The following NR1H4 variants were observed in gnomAD, a reference collection of about 807,000 sequenced individuals.
The protein encoded by NR1H4 is bile acid receptor.
In NR1H4, 23 loss-of-function variants were observed where a neutral mutation model predicts 58.5. The ratio of observed to expected loss-of-function variants is 0.39; its 90% CI spans 0.28 to 0.56. NR1H4 has a LOEUF of 0.56. NR1H4 is among the 20% of genes least tolerant of loss of function. NR1H4 has a pLI of 0.58. For synonymous variants in NR1H4, 214 were observed against 198.0 expected, an observed-to-expected ratio of 1.08 and a Z score of -0.68; for missense variants, 487 against 576.9, an observed-to-expected ratio of 0.84 and a Z score of 1.60.
At chr12:100,484,561 C>T (rs185103759) in intron 1 of NR1H4, among the ~76,000 whole-genome samples, 4 of 152,252 alleles carry the variant, frequency 2.6e-5, no homozygotes, top group Non-Finnish European at 2.9e-5. Flanking sequence ...CATTTTGTCC[C>T]TCCTTTCACC....
chr12:100,481,409 CACA>C (rs1230021377), intron 1 of NR1H4, among the ~76,000 whole-genome samples: 1 of 152,108 alleles, frequency 6.6e-6, no homozygotes, highest in East Asian at 1.9e-4. Flanking sequence ...ACCAAACAAC[CACA>C]ACAACAAAAC....
At position 100,561,877 on chromosome 12, in the gene NR1H4, C is replaced by T. The variant is rs764238006; in HGVS notation, c.1079-8C>T. ...AAATTGTATTATGATTGCAACTTTCCCCCACAGGTATCTCTGATGAATATA... is the reference window on the plus strand; with the variant it reads ...AAATTGTATTATGATTGCAACTTTCTCCCACAGGTATCTCTGATGAATATA... On this transcript the variant is annotated splice_polypyrimidine_tract_variant and splice_region_variant and intron_variant, in intron 9 of 10. Coordinates refer to ENST00000392986, the MANE Select transcript of NR1H4 (RefSeq NM_001206979.2). The T allele has an allele frequency of 1.3e-5, 14 of 1,088,816 alleles. No homozygotes were observed. The highest frequency in any genetic ancestry group is 1.9e-5 in the Non-Finnish European group (13 of 701,610). The allele number at this position is 1,088,816 out of a possible 1,614,324, so 67.4% of individuals were successfully genotyped here.
intron 1 of NR1H4, among the ~76,000 whole-genome samples, chr12:100,485,105 A>G (rs1281974219): frequency 6.6e-6 from 1 of 152,200 alleles, no homozygotes; most frequent in Non-Finnish European, 1.5e-5. Flanking sequence ...GAAACTCCCT[A>G]TGTACCTGCC....
intron 3 of NR1H4, among the ~76,000 whole-genome samples, chr12:100,500,769 A>G (rs1383438626): frequency 6.6e-6 from 1 of 152,080 alleles, no homozygotes; most frequent in Non-Finnish European, 1.5e-5. Context: ...CTGCCTTTTG[A>G]GGACATGCTT....
intron 4 of NR1H4, among the ~76,000 whole-genome samples, chr12:100,529,827 C>G (rs1464788686): frequency 3.9e-5 from 6 of 152,152 alleles, no homozygotes; most frequent in Non-Finnish European, 8.8e-5. Flanking sequence ...TTGGGAAATC[C>G]TCATATTATA....
At chr12:100,534,009 G>C (rs985701185) in intron 5 of NR1H4, among the ~76,000 whole-genome samples, 2 of 151,598 alleles carry the variant, frequency 1.3e-5, no homozygotes, top group African/African-American at 4.9e-5. Flanking sequence ...CCATTCTCCT[G>C]CCTCAGCCTC....
At chr12:100,520,116 A>G (rs1954375705) in intron 4 of NR1H4, among the ~76,000 whole-genome samples, 1 of 152,032 alleles carries the variant, frequency 6.6e-6, no homozygotes, top group African/African-American at 2.4e-5. Flanking sequence ...TGCTCAGCCA[A>G]CCTGGTTTCC....
At chr12:100,560,238 T>A (rs1955435222) in intron 9 of NR1H4, among the ~76,000 whole-genome samples, 1 of 152,148 alleles carries the variant, frequency 6.6e-6, no homozygotes, top group South Asian at 2.1e-4. Context: ...ATCAGCAGGA[T>A]GTGGGTGGGG....
chr12:100,480,778 C>T (rs966306951), intron 1 of NR1H4, among the ~76,000 whole-genome samples: 4 of 152,174 alleles, frequency 2.6e-5, no homozygotes, highest in South Asian at 2.1e-4. Flanking sequence ...TTCTGTGGGG[C>T]GGCTGAGCAG....
intron 3 of NR1H4, chr12:100,500,055 T>G (rs2136120819): frequency 2.4e-6 from 1 of 419,036 alleles, no homozygotes; most frequent in Admixed American, 2.7e-5. Context: ...CCTTTTATGG[T>G]GAGAAAAGGA....
chr12:100,559,769 G>A (rs1039805223), intron 9 of NR1H4, among the ~76,000 whole-genome samples: 7 of 152,368 alleles, frequency 4.6e-5, no homozygotes, highest in South Asian at 2.1e-4. Context: ...GAATGCGAGC[G>A]CAGGGCGCAT....
At chr12:100,532,992 A>G (rs1954731648) in intron 5 of NR1H4, among the ~76,000 whole-genome samples, 1 of 152,218 alleles carries the variant, frequency 6.6e-6, no homozygotes, top group Non-Finnish European at 1.5e-5. Flanking sequence ...GTGGAAAAAA[A>G]TGAGAATGCT....
At chr12:100,540,140 T>C (rs1457729983) in intron 8 of NR1H4, among the ~76,000 whole-genome samples, 1 of 152,196 alleles carries the variant, frequency 6.6e-6, no homozygotes, top group Admixed American at 6.5e-5. Context: ...ATTCTTACCA[T>C]ATTTTTCTGA....
intron 9 of NR1H4, among the ~76,000 whole-genome samples, chr12:100,554,556 C>A (rs1955281164): frequency 2.0e-5 from 3 of 152,132 alleles, no homozygotes; most frequent in Non-Finnish European, 4.4e-5. Context: ...TATTTCTGAT[C>A]ATTGAACATA....
chr12:100,533,105 T>C (rs931804513), intron 5 of NR1H4, among the ~76,000 whole-genome samples: 1 of 152,214 alleles, frequency 6.6e-6, no homozygotes, highest in Non-Finnish European at 1.5e-5. Flanking sequence ...CCAATTTGTA[T>C]AGGTTTACAC....
chr12:100,532,358 A>G, intron 4 of NR1H4, 100 bp from the exon 5 acceptor site: 1 of 1,143,462 alleles, frequency 8.7e-7, no homozygotes, highest in South Asian at 1.3e-5. Context: ...GCTCTCCAGC[A>G]GTTGGTGAGA....
At chr12:100,501,174 T>C (rs755167765) in intron 3 of NR1H4, among the ~76,000 whole-genome samples, 20 of 151,706 alleles carry the variant, frequency 1.3e-4, no homozygotes, top group Non-Finnish European at 2.8e-4. Flanking sequence ...GACAGGTCCA[T>C]TTATTTTGGC....
chr12:100,480,772 G>T (rs1017852750), intron 1 of NR1H4, among the ~76,000 whole-genome samples: 10 of 152,190 alleles, frequency 6.6e-5, no homozygotes, highest in African/African-American at 2.4e-4. Flanking sequence ...TCATAGTTCT[G>T]TGGGGCGGCT....
intron 3 of NR1H4, among the ~76,000 whole-genome samples, chr12:100,501,795 C>G (rs1029358686): frequency 4.6e-5 from 7 of 152,112 alleles, no homozygotes; most frequent in Admixed American, 6.5e-5. Context: ...GAATTATTAT[C>G]TATGTTTTAC....
Sources: allele counts gnomAD v4.1 joint callset (sites outside exome capture counted in the v4.1 genomes callset), GRCh38; gene constraint gnomAD v4.1.1; transcripts MANE v1.5; gene names NCBI Gene and HGNC (gene_info 2026-07-23, HGNC 2026-07-21).